The following XPNPEP3 variants were observed in gnomAD, a reference collection of about 807,000 sequenced individuals.
XPNPEP3 encodes the protein xaa-Pro aminopeptidase 3.
Under a neutral mutation model 60.0 loss-of-function variants are expected in XPNPEP3, and 41 were observed. The observed-to-expected ratio is 0.68, with a 90% CI of 0.53 to 0.89. XPNPEP3 has a LOEUF of 0.89. Ranked by LOEUF, XPNPEP3 falls within the 40% of genes least tolerant of loss-of-function variation. The probability of loss-of-function intolerance (pLI) is 0.00; values close to 1 mark genes in which losing one functional copy is unlikely to be tolerated. For synonymous variants in XPNPEP3, 212 were observed against 223.2 expected, an observed-to-expected ratio of 0.95 and a Z score of 0.45; for missense variants, 598 against 638.9, an observed-to-expected ratio of 0.94 and a Z score of 0.69.
chr22:40,869,452 G>A (rs1337777918), intron 2 of XPNPEP3, among the ~76,000 whole-genome samples: 1 of 152,116 alleles, frequency 6.6e-6, no homozygotes, highest in Non-Finnish European at 1.5e-5. Context: ...TTAAAGCAAA[G>A]TTCTATTTCT....
At chr22:40,874,436 T>G (rs1011080959) in intron 2 of XPNPEP3, among the ~76,000 whole-genome samples, 6 of 144,676 alleles carry the variant, frequency 4.1e-5, no homozygotes, top group Non-Finnish European at 8.8e-5. Flanking sequence ...TTTGTTTTTG[T>G]TTTTTTTGAG....
chr22:40,922,166 T>C (rs1043776158), intron 7 of XPNPEP3, among the ~76,000 whole-genome samples, 167 bp from the exon 8 acceptor site: 6 of 152,144 alleles, frequency 3.9e-5, no homozygotes, highest in African/African-American at 1.4e-4. Context: ...ACTGAGCACC[T>C]AGGACATGAT....
rs1601525715 is a variant in XPNPEP3 at position 40,930,212 on chromosome 22, C to A, written c.*3777C>A. The A allele has an allele frequency of 6.6e-6, 1 of 151,426 alleles. No individual in the cohort carries two copies. The highest frequency in any genetic ancestry group is 2.1e-4 in the South Asian group (1 of 4,804). 9.4% of individuals were successfully genotyped at this position (151,426 alleles called of 1,614,324 possible). On this transcript the variant is annotated 3_prime_UTR_variant, in exon 10 of 10. Coordinates refer to ENST00000357137, the MANE Select transcript of XPNPEP3 (RefSeq NM_022098.4). ...TGGCACGATCTTGGCTCACTGCAACCTCCATCTCCCGGGTTCAGGCAATTC... is the reference window on the plus strand; with the variant it reads ...TGGCACGATCTTGGCTCACTGCAACATCCATCTCCCGGGTTCAGGCAATTC...
intron 5 of XPNPEP3, among the ~76,000 whole-genome samples, 169 bp downstream of exon 5, chr22:40,907,818 G>A (rs1045621870): frequency 2.0e-5 from 3 of 152,132 alleles, no homozygotes; most frequent in East Asian, 1.9e-4. Flanking sequence ...AATATACTAC[G>A]TTACAATTAA....
intron 3 of XPNPEP3, 85 bp from the exon 4 acceptor site, chr22:40,886,228 C>T: frequency 7.2e-7 from 1 of 1,387,946 alleles, no homozygotes; most frequent in Non-Finnish European, 1.0e-6. Context: ...ATAGTTTTGA[C>T]TCTTGTTCAA....
At chr22:40,910,700 TG>T in intron 6 of XPNPEP3, among the ~76,000 whole-genome samples, 1 of 152,032 alleles carries the variant, frequency 6.6e-6, no homozygotes, top group Middle Eastern at 3.4e-3. Context: ...AGCAAGACCC[TG>T]TCTTTAAAAA....
Position 40,888,275 on chromosome 22 carries a change from G to A in XPNPEP3, c.792+1760G>A, listed in dbSNP as rs188438086. Among the ~76,000 whole-genome samples, 8 of 151,930 alleles carry A rather than the reference G, an allele frequency of 5.3e-5. No homozygotes were observed. The East Asian group carries it at 9.7e-4, about 18-fold the overall frequency. The stretch of plus-strand genomic sequence containing the variant: ...ACTTTTGTTTTTTAGATAGAGTCTC[G>A]CTCTGTTGCCCAGACTAGAGTGCAG... On this transcript the variant is annotated intron_variant, in intron 4 of 9. Transcript: ENST00000357137.
chr22:40,863,546 A>G (rs984626141), intron 1 of XPNPEP3, among the ~76,000 whole-genome samples: 3 of 152,130 alleles, frequency 2.0e-5, no homozygotes, highest in Non-Finnish European at 4.4e-5. Context: ...TTGCATTTTT[A>G]TATATACTCA....
At position 40,926,300 on chromosome 22, in the gene XPNPEP3, C is replaced by T; in HGVS notation, c.1389C>T (p.Ala463=). ...GIYIPEDDKD[A]PEKFRGLGVR... is the part of the protein sequence containing the mutation. ...ATATTCCAGAGGATGACAAAGATGC[C>T]CCAGAGAAGTTTCGGGGTCTTGGTG... The change falls in exon 10 of 10, where the codon GCC becomes GCT. Residue 463 remains alanine, a synonymous_variant. Transcript: ENST00000357137. 1 of 1,613,998 alleles carries T rather than the reference C, an allele frequency of 6.2e-7. No individual in the cohort carries two copies. The highest frequency in any genetic ancestry group is 8.5e-7 in the Non-Finnish European group (1 of 1,180,004).
chr22:40,918,928 C>T (rs1052260885), intron 7 of XPNPEP3, among the ~76,000 whole-genome samples: 1 of 150,888 alleles, frequency 6.6e-6, no homozygotes, highest in African/African-American at 2.4e-5. Context: ...CTGCAACCTC[C>T]GGCTCCCAGG....
intron 3 of XPNPEP3, among the ~76,000 whole-genome samples, chr22:40,883,062 A>G (rs1168538410): frequency 1.3e-5 from 2 of 152,150 alleles, no homozygotes; most frequent in Admixed American, 6.5e-5. Flanking sequence ...ATCTCCAAAA[A>G]ATAAATAAAT....
rs1475103870 is a variant in XPNPEP3, at chr22:40,907,598, A to T, written c.804A>T (p.Glu268Asp). Residue 268 changes from glutamate to aspartate, a missense_variant, in exon 5 of 10, where the codon GAA (glutamate) becomes GAT (aspartate). By Grantham distance (45) the Glu-to-Asp change is conservative. Transcript: ENST00000357137. Reference sequence around the variant, plus strand: ...CTTTCTCTTTGCAGGCTTTCATAGAAACCATGTTCACCAGTAAAGCCCCTG... The same window carrying T: ...CTTTCTCTTTGCAGGCTTTCATAGATACCATGTTCACCAGTAAAGCCCCTG... Reference protein sequence around the residue: ...AGKLTSQAFIETMFTSKAPVE... With the variant: ...AGKLTSQAFIDTMFTSKAPVE... 1 of 1,614,002 alleles carries T rather than the reference A, an allele frequency of 6.2e-7. No individual in the cohort carries two copies.
At chr22:40,864,425 T>C (rs764531783) in intron 1 of XPNPEP3, among the ~76,000 whole-genome samples, 2 of 152,160 alleles carry the variant, frequency 1.3e-5, no homozygotes, top group Non-Finnish European at 2.9e-5. Context: ...CAGGGACTTA[T>C]TTTATTTTCA....
At chr22:40,922,816 G>T (rs781480557) in intron 8 of XPNPEP3, among the ~76,000 whole-genome samples, 6 of 151,880 alleles carry the variant, frequency 4.0e-5, no homozygotes, top group Admixed American at 6.6e-5. Context: ...AAAAAGAAAA[G>T]ATTTAGAAAT....
chr22:40,896,145 T>A (rs1241367129), intron 4 of XPNPEP3, among the ~76,000 whole-genome samples: 1 of 152,182 alleles, frequency 6.6e-6, no homozygotes, highest in Non-Finnish European at 1.5e-5. Flanking sequence ...TGACAGGCAG[T>A]TGTGGATCCC....
intron 7 of XPNPEP3, among the ~76,000 whole-genome samples, chr22:40,920,612 C>CT (rs2058212819): frequency 6.6e-6 from 1 of 152,158 alleles, no homozygotes; most frequent in African/African-American, 2.4e-5. Context: ...ACTGTTAGAA[C>CT]TTTTCTGACC....
chr22:40,901,142 A>T (rs2058130958), intron 4 of XPNPEP3, among the ~76,000 whole-genome samples: 1 of 152,094 alleles, frequency 6.6e-6, no homozygotes, highest in Non-Finnish European at 1.5e-5. Context: ...ATTGTTTAAA[A>T]GGACACTATC....
At position 40,881,806 on chromosome 22, in the gene XPNPEP3, C is replaced by T. The variant is rs747953049; in HGVS notation, c.218C>T (p.Ala73Val). The T allele has an allele frequency of 3.7e-6, 6 of 1,614,042 alleles. No individual in the cohort carries two copies. Among genetic ancestry groups the T allele is most frequent in the Non-Finnish European group, 5.1e-6 (6 of 1,180,028 alleles). ...VTPGLSQVEYALRRHKLMSLI... is the reference protein window; with the variant it reads ...VTPGLSQVEYVLRRHKLMSLI... The stretch of plus-strand genomic sequence containing the variant: ...CCAGGACTATCTCAGGTGGAATATG[C>T]ACTTCGCAGACACAAACTAATGTCT... Residue 73 changes from alanine (A) to valine (V), a missense_variant, in exon 3 of 10, where the codon GCA becomes GTA. Ala to Val is a moderately conservative substitution (Grantham distance 64). Coordinates refer to ENST00000357137, the MANE Select transcript of XPNPEP3 (RefSeq NM_022098.4).
chr22:40,921,348 C>A (rs1037981535), intron 7 of XPNPEP3, among the ~76,000 whole-genome samples: 1 of 152,022 alleles, frequency 6.6e-6, no homozygotes, highest in Admixed American at 6.6e-5. Context: ...AGGTTTGGTA[C>A]ATGAATTTGT....
Sources: allele counts gnomAD v4.1 joint callset (sites outside exome capture counted in the v4.1 genomes callset), GRCh38; gene constraint gnomAD v4.1.1; transcripts MANE v1.5; gene names NCBI Gene and HGNC (gene_info 2026-07-23, HGNC 2026-07-21).